PSG1: variants seen among roughly 807,000 people sequenced by gnomAD.
PSG1 encodes the protein pregnancy-specific beta-1-glycoprotein 1.
PSG1 carries 60 observed loss-of-function variants against 41.4 expected under a neutral mutation model. That is an observed-to-expected ratio of 1.45 (90% CI 1.18 to 1.80). PSG1 has a LOEUF of 1.80. PSG1 is among the 40% of genes most tolerant of loss of function. The pLI, the probability that PSG1 is intolerant of heterozygous loss-of-function variation, is 0.00. For missense variants in PSG1, 806 were observed against 516.9 expected (o/e 1.56, Z -5.42); for synonymous variants, 256 against 192.9 (o/e 1.33, Z -2.71).
chr19:42,867,587 A>G (rs1404657861), intron 5 of PSG1: 1 of 664,086 alleles, frequency 1.5e-6, no homozygotes, highest in African/African-American at 1.8e-5. Flanking sequence ...CATGTTACAA[A>G]GAAAGCAGAT....
chr19:42,869,343 T>A, intron 3 of PSG1: 1 of 511,684 alleles, frequency 2.0e-6, no homozygotes, highest in Admixed American at 3.7e-5. Flanking sequence ...CCTAATCAGT[T>A]GACTGGCTGG....
chr19:42,869,015 G>A lies in PSG1; in HGVS notation c.729C>T (p.Tyr243=), dbSNP rs762159333. The A allele has an allele frequency of 1.9e-6, 3 of 1,610,786 alleles. No individual in the cohort carries two copies. Among genetic ancestry groups the A allele is most frequent in the Admixed American group, 3.3e-5 (2 of 59,910 alleles). Residue 243 remains tyrosine (Y), a synonymous_variant, in exon 4 of 6, where the codon TAC becomes TAT. Coordinates refer to ENST00000436291, the MANE Select transcript of PSG1 (RefSeq NM_001184825.2). ...TGGGGTTTAAGTTGTTGATGGTGATGTAGGGCTTGGGCAGCTTCGCTGTGT... is the reference window on the plus strand; with the variant it reads ...TGGGGTTTAAGTTGTTGATGGTGATATAGGGCTTGGGCAGCTTCGCTGTGT... ...LNLLPKLPKP[Y]ITINNLNPRE...
chr19:42,875,892 C>G (rs547435462), intron 2 of PSG1, among the ~76,000 whole-genome samples: 1 of 143,846 alleles, frequency 7.0e-6, no homozygotes, highest in Admixed American at 7.3e-5. Context: ...GATGGAGGAA[C>G]TGCCTATCCC....
At position 42,871,963 on chromosome 19, in the gene PSG1, A is replaced by T; in HGVS notation, c.513T>A (p.Pro171=). The T allele has an allele frequency of 6.2e-7, 1 of 1,612,500 alleles. No individual in the cohort carries two copies. Among genetic ancestry groups the T allele is most frequent in the Middle Eastern group, 1.7e-4 (1 of 6,060 alleles). Reference sequence around the variant, plus strand: ...ACAGGTAGCTTGCGTCTGGAGTCTCAGGGTCACAGGTTAAGCTCACAGCCT... The same window carrying T: ...ACAGGTAGCTTGCGTCTGGAGTCTCTGGGTCACAGGTTAAGCTCACAGCCT... ...TMEAVSLTCD[P]ETPDASYLWW... Residue 171 remains proline (P), a synonymous_variant, in exon 3 of 6, where the codon CCT becomes CCA. Coordinates refer to ENST00000436291, the MANE Select transcript of PSG1 (RefSeq NM_001184825.2).
Position 42,877,055 on chromosome 19 carries a change from T to C in PSG1, c.430+858A>G, listed in dbSNP as rs149472128. On this transcript the variant is annotated intron_variant, in intron 2 of 5. Coordinates refer to ENST00000436291, the MANE Select transcript of PSG1 (RefSeq NM_001184825.2). ...ATGGACTGTGGCTTTTCATGCTATC[T>C]GTGAATAAATGTTAAATTATTCACA... Among the ~76,000 whole-genome samples the C allele has an allele frequency of 6.0e-3, 912 of 151,836 alleles. 29 individuals are homozygous for C. Among genetic ancestry groups the C allele is most frequent in the African/African-American group, 0.021 (864 of 41,378 alleles).
intron 2 of PSG1, among the ~76,000 whole-genome samples, chr19:42,873,045 A>C (rs1971460163): frequency 6.6e-6 from 1 of 151,692 alleles, no homozygotes; most frequent in South Asian, 2.1e-4. Flanking sequence ...TGGATTCCAG[A>C]GTGAATCAGA....
At chr19:42,867,402 TA>T in intron 5 of PSG1, 1 of 574,122 alleles carries the variant, frequency 1.7e-6, no homozygotes. Context: ...TTCTTTTCTC[TA>T]AGTTTTTATA....
At position 42,871,873 on chromosome 19, in the gene PSG1, G is replaced by T. The variant is rs754030096; in HGVS notation, c.603C>A (p.Thr201=). ...ACTTTGTGACACCCAATAGAAAGAGGGTCCTGTTGGTTTCGGACAGCTTCA... is the reference window on the plus strand; with the variant it reads ...ACTTTGTGACACCCAATAGAAAGAGTGTCCTGTTGGTTTCGGACAGCTTCA... ...HSLKLSETNR[T]LFLLGVTKYT... The change falls in exon 3 of 6, where the codon ACC becomes ACA. Residue 201 remains threonine (T), a synonymous_variant. Coordinates refer to ENST00000436291, the MANE Select transcript of PSG1 (RefSeq NM_001184825.2). 1.9e-6 allele frequency: 3 copies of T among 1,612,462 alleles called. No individual in the cohort carries two copies. Among genetic ancestry groups the T allele is most frequent in the Admixed American group, 3.3e-5 (2 of 59,882 alleles).
At chr19:42,879,389 T>C in intron 1 of PSG1, 129 bp downstream of exon 1, 2 of 1,407,606 alleles carry the variant, frequency 1.4e-6, no homozygotes, top group African/African-American at 1.5e-5. Flanking sequence ...TCTGATCTCA[T>C]GATCCACCCA....
intron 4 of PSG1, 40 bp downstream of exon 4, chr19:42,868,716 A>T (rs181828756): frequency 6.2e-7 from 1 of 1,606,896 alleles, no homozygotes; most frequent in African/African-American, 1.3e-5. Flanking sequence ...TTTGGATTTA[A>T]GCTGGTGTCC....
At position 42,868,257 on chromosome 19, in the gene PSG1, G is replaced by A. The variant is rs369619795; in HGVS notation, c.1087C>T (p.Gln363Ter). Residue 363 changes from glutamine to a stop codon, truncating the protein, a stop_gained, in exon 5 of 6, where the codon CAG becomes TAG. Coordinates refer to ENST00000436291, the MANE Select transcript of PSG1 (RefSeq NM_001184825.2). LOFTEE classifies it high-confidence loss of function. ...TTTTCATTAATTGTCCAAGAATACT[G>A]TGCCGGTGGGTTAGAGTCCGCAGAA... is the stretch of plus-strand genomic sequence containing the variant. Reference protein sequence around the residue: ...SCSADSNPPAQYSWTINEKFQ... With the variant: ...SCSADSNPPA 6.2e-7 allele frequency: 1 copy of A among 1,612,202 alleles called. No individual in the cohort carries two copies. Among genetic ancestry groups the A allele is most frequent in the African/African-American group, 1.3e-5 (1 of 74,606 alleles).
In PSG1 at chr19:42,868,318, G is replaced by T; in HGVS notation, c.1026C>A (p.Thr342=). The T allele has an allele frequency of 6.2e-7, 1 of 1,611,730 alleles. No individual in the cohort carries two copies. The change falls in exon 5 of 6, where the codon ACC becomes ACA. Residue 342 remains threonine (T), a synonymous_variant. Transcript: ENST00000436291. ...PDLPRIYPSF[T]YYRSGEVLYL... ...AGAGGACTTCTCCTGAACGGTAATA[G>T]GTGAATGAAGGGTAAATTCTGGGGA...
rs772409855 is a variant in PSG1, at chr19:42,868,747, G to C, written c.988+9C>G. The C allele has an allele frequency of 1.2e-6, 2 of 1,611,430 alleles. No homozygotes were observed. Among genetic ancestry groups the C allele is most frequent in the Non-Finnish European group, 1.7e-6 (2 of 1,178,522 alleles). On this transcript the variant is annotated intron_variant, in intron 4 of 5. Transcript: ENST00000436291. ...TGTCCTGGCCCACAGAGGAACAAAAGATACTCACAGAGGACATTCAGGGTG... is the reference window on the plus strand; with the variant it reads ...TGTCCTGGCCCACAGAGGAACAAAACATACTCACAGAGGACATTCAGGGTG...
chr19:42,871,828 T>A lies in PSG1; in HGVS notation c.648A>T (p.Glu216Asp), dbSNP rs1445367965. The A allele has an allele frequency of 6.2e-7, 1 of 1,612,598 alleles. No homozygotes were observed. The highest frequency in any genetic ancestry group is 8.5e-7 in the Non-Finnish European group (1 of 1,179,234). The change falls in exon 3 of 6, where the codon GAA (glutamate) becomes GAT (aspartate). Residue 216 changes from glutamate (E) to aspartate (D), a missense_variant. By Grantham distance (45) the Glu-to-Asp change is conservative (BLOSUM62 2). Coordinates refer to ENST00000436291, the MANE Select transcript of PSG1 (RefSeq NM_001184825.2). ...GVTKYTAGPY[E>D]CEIRNPVSAS... is the part of the protein sequence containing the mutation. Reference sequence around the variant, plus strand: ...CACTCACTGGGTTCCGTATTTCACATTCATAGGGTCCTGCAGTATACTTTG... The same window carrying A: ...CACTCACTGGGTTCCGTATTTCACAATCATAGGGTCCTGCAGTATACTTTG...
At position 42,878,360 on chromosome 19, in the gene PSG1, C is replaced by T. The variant is rs10415943; in HGVS notation, c.65-82G>A. On this transcript the variant is annotated intron_variant, in intron 1 of 5. Coordinates refer to ENST00000436291, the MANE Select transcript of PSG1 (RefSeq NM_001184825.2). ...ATGGGGCCCTGGGTCCTGAGAAGGT[C>T]TCTTCAGTCCTCAGCCTTGACAACA... The T allele has an allele frequency of 6.1e-3, 9,149 of 1,500,992 alleles. 590 individuals are homozygous for T. The African/African-American group carries it at 0.11, about 19-fold the overall frequency. The allele number at this position is 1,500,992 out of a possible 1,614,324, so 93.0% of individuals were successfully genotyped here.
intron 3 of PSG1, chr19:42,869,248 T>C: frequency 8.9e-7 from 1 of 1,126,672 alleles, no homozygotes; most frequent in East Asian, 2.6e-5. Flanking sequence ...ACAGACTTTC[T>C]GAAGTGTCAA....
rs1313851079 is a variant in PSG1, at chr19:42,866,807, G to A, written c.*327C>T. ...GAAATTCTAATGACTGCATTATCCT[G>A]CCAAGTGAAAGAGGCAGGCATGAGC... On this transcript the variant is annotated 3_prime_UTR_variant, in exon 6 of 6. Coordinates refer to ENST00000436291, the MANE Select transcript of PSG1 (RefSeq NM_001184825.2). The A allele has an allele frequency of 1.0e-5, 6 of 576,144 alleles. No homozygotes were observed. Among genetic ancestry groups the A allele is most frequent in the Non-Finnish European group, 3.1e-6 (1 of 321,890 alleles). 35.7% of individuals were successfully genotyped at this position (576,144 alleles called of 1,614,324 possible).
chr19:42,878,070 A>G lies in PSG1; in HGVS notation c.273T>C (p.Tyr91=), dbSNP rs1971691580. 4 of 1,612,348 alleles carry G rather than the reference A, an allele frequency of 2.5e-6. No individual in the cohort carries two copies. The highest frequency in any genetic ancestry group is 2.2e-5 in the East Asian group (1 of 44,792). The change falls in exon 2 of 6, where the codon TAT becomes TAC. Residue 91 remains tyrosine, a synonymous_variant. Transcript: ENST00000436291. ...TTTCTCGTCCACTATATGCAGGCCC[A>G]TATATAATTATTTCACCGTCTACTA... is the stretch of plus-strand genomic sequence containing the variant. ...SYVVDGEIII[Y]GPAYSGRETA...
chr19:42,875,824 GT>G (rs5828150), intron 2 of PSG1, among the ~76,000 whole-genome samples: 39,275 of 128,424 alleles, frequency 0.31, 5,331 homozygotes, highest in South Asian at 0.42. Context: ...TTATTTATTT[GT>G]TTTTTTTTTT....
Sources: allele counts gnomAD v4.1 joint callset (sites outside exome capture counted in the v4.1 genomes callset), GRCh38; gene constraint gnomAD v4.1.1; transcripts MANE v1.5; gene names NCBI Gene and HGNC (gene_info 2026-07-23, HGNC 2026-07-21).